CEP164: variants seen among roughly 807,000 people sequenced by gnomAD.
CEP164 encodes the protein centrosomal protein 164.
Under a neutral mutation model 182.7 loss-of-function variants are expected in CEP164, and 162 were observed. The observed-to-expected ratio is 0.89, with a 90% confidence interval of 0.78 to 1.01. The LOEUF is 1.01. Ranked by LOEUF, CEP164 falls within the 50% of genes least tolerant of loss-of-function variation. The pLI, the probability that CEP164 is intolerant of heterozygous loss-of-function variation, is 0.00. For synonymous variants in CEP164, 661 were observed against 690.0 expected (o/e 0.96, Z 0.66); for missense variants, 1,735 against 1,790.4 (o/e 0.97, Z 0.56).
chr11:117,411,792 C>T lies in CEP164; in HGVS notation c.4164-3C>T. 4.3e-6 allele frequency: 7 copies of T among 1,614,114 alleles called. No individual in the cohort carries two copies. Among genetic ancestry groups the T allele is most frequent in the East Asian group, 4.5e-5 (2 of 44,888 alleles). ...CTCGCCATGCTCTCCTCTTCCTTCC[C>T]AGTGAGCAGCTCCGGCTCCTACAGC... On this transcript the variant is annotated splice_region_variant and splice_polypyrimidine_tract_variant and intron_variant, in intron 31 of 32. Transcript: ENST00000278935. The surrounding 1 kb of genome is among the most constrained non-coding windows in gnomAD (Gnocchi z 4.4).
chr11:117,356,484 C>A, intron 5 of CEP164: 1 of 1,286,732 alleles, frequency 7.8e-7, no homozygotes, highest in South Asian at 1.2e-5. Flanking sequence ...GTGGCCCTCG[C>A]CCCTGCTTGG....
chr11:117,410,014 TCTTC>T (rs1319045975), intron 30 of CEP164, 49 bp downstream of exon 30: 15 of 1,522,730 alleles, frequency 9.9e-6, no homozygotes, highest in East Asian at 4.5e-5. Flanking sequence ...CTCCTCCTCC[TCTTC>T]CTTCCTTTTC....
At chr11:117,352,264 A>C (rs1230890444) in intron 5 of CEP164, among the ~76,000 whole-genome samples, 1 of 152,036 alleles carries the variant, frequency 6.6e-6, no homozygotes, top group Non-Finnish European at 1.5e-5. Flanking sequence ...TGCTCTTCTG[A>C]GAATGGTTTT....
In CEP164 at chr11:117,394,967, A is replaced by G; in HGVS notation, c.2808A>G (p.Lys936=). 1 of 1,614,184 alleles carries G rather than the reference A, an allele frequency of 6.2e-7. No individual in the cohort carries two copies. The highest frequency in any genetic ancestry group is 1.1e-5 in the South Asian group (1 of 91,080). Residue 936 remains lysine (K), a synonymous_variant, in exon 22 of 33, where the codon AAA becomes AAG. Transcript: ENST00000278935. This position sits in a 1 kb window ranked among gnomAD's most constrained non-coding sequence, Gnocchi z 4.0. ...DLELDLETRA[K]DVKARLALLE... ...AGTTGGACCTTGAAACCAGAGCTAA[A>G]GATGTCAAGGCCAGATTGGCTCTGC... is the stretch of plus-strand genomic sequence containing the variant.
chr11:117,400,335 A>C (rs537116715), intron 27 of CEP164, among the ~76,000 whole-genome samples: 2 of 151,914 alleles, frequency 1.3e-5, no homozygotes, highest in Non-Finnish European at 2.9e-5. Context: ...GTTCTGTTCT[A>C]TTGGCTTATA....
intron 5 of CEP164, chr11:117,355,033 G>A (rs2040153383): frequency 7.8e-7 from 1 of 1,289,770 alleles, no homozygotes. Context: ...TAGATCAAGA[G>A]ATGCAGGCTA....
intron 27 of CEP164, among the ~76,000 whole-genome samples, chr11:117,405,593 A>G (rs1258389812): frequency 6.6e-6 from 1 of 152,140 alleles, no homozygotes; most frequent in Non-Finnish European, 1.5e-5. Flanking sequence ...AGCTGTTCCT[A>G]TTCAGCCATC....
chr11:117,356,602 G>A, intron 5 of CEP164: 1 of 1,286,462 alleles, frequency 7.8e-7, no homozygotes, highest in Non-Finnish European at 1.0e-6. Context: ...CAGGCAAGAT[G>A]CAGCATCTCA....
At chr11:117,347,665 G>A (rs897348939) in intron 4 of CEP164, among the ~76,000 whole-genome samples, 7 of 150,946 alleles carry the variant, frequency 4.6e-5, no homozygotes, top group African/African-American at 1.2e-4. Context: ...AGCCGAGATC[G>A]TGCCATTGCA....
At chr11:117,386,223 C>T (rs2043938287) in intron 14 of CEP164, 2 of 152,228 alleles carry the variant, frequency 1.3e-5, no homozygotes, top group Admixed American at 1.3e-4. Context: ...ATTGAGGGAC[C>T]TGGACGTGGA....
intron 1 of CEP164, among the ~76,000 whole-genome samples, chr11:117,331,917 A>G (rs2036268932): frequency 1.3e-5 from 2 of 151,048 alleles, no homozygotes; most frequent in Non-Finnish European, 2.9e-5. Context: ...CCATCTGATC[A>G]CATAGCTCCT....
chr11:117,410,022 C>T (rs1474681988), intron 30 of CEP164, 57 bp downstream of exon 30: 2 of 1,483,318 alleles, frequency 1.3e-6, no homozygotes, highest in African/African-American at 1.4e-5. Context: ...CCTCTTCCTT[C>T]CTTTTCTTCT....
At chr11:117,381,656 C>T in intron 12 of CEP164, 45 bp from the exon 13 acceptor site, 1 of 1,576,552 alleles carries the variant, frequency 6.3e-7, no homozygotes. Context: ...TTCCCGCTCT[C>T]CAAATGGAGG....
rs932743387 is a variant in CEP164, at chr11:117,336,529, G to T, written c.-22+849G>T. On this transcript the variant is annotated intron_variant, in intron 2 of 32. Transcript: ENST00000278935. Reference sequence around the variant, plus strand: ...AGGAGGACAGGGGCCTGGGGGAAAGGGTGGATTGATAGGTGGTGGGTGGGC... The same window carrying T: ...AGGAGGACAGGGGCCTGGGGGAAAGTGTGGATTGATAGGTGGTGGGTGGGC... 5 of 1,530,826 alleles carry T rather than the reference G, an allele frequency of 3.3e-6. No homozygotes were observed. The African/African-American group carries it at 6.8e-5, about 21-fold the overall frequency. 94.8% of individuals were successfully genotyped at this position (1,530,826 alleles called of 1,614,324 possible).
chr11:117,329,404 G>A (rs1488908836), intron 1 of CEP164, among the ~76,000 whole-genome samples: 1 of 152,108 alleles, frequency 6.6e-6, no homozygotes, highest in African/African-American at 2.4e-5. Context: ...CTAGAGCTCT[G>A]TCTTGCCACT....
rs2047013165 is a variant in CEP164 at position 117,408,985 on chromosome 11, A to G, written c.3705A>G (p.Glu1235=). The G allele has an allele frequency of 2.5e-6, 4 of 1,614,028 alleles. No individual in the cohort carries two copies. The highest frequency in any genetic ancestry group is 3.4e-6 in the Non-Finnish European group (4 of 1,179,954). Residue 1235 remains glutamate (E), a synonymous_variant, in exon 29 of 33, where the codon GAA becomes GAG. Coordinates refer to ENST00000278935, the MANE Select transcript of CEP164 (RefSeq NM_014956.5). ...DMDSLSSESS[E]SFSPPHREWW... Reference sequence around the variant, plus strand: ...ACAGCCTGAGCAGTGAAAGTTCTGAATCTTTTTCCCCGCCTCACCGTGAGT... The same window carrying G: ...ACAGCCTGAGCAGTGAAAGTTCTGAGTCTTTTTCCCCGCCTCACCGTGAGT...
chr11:117,380,760 T>C, intron 12 of CEP164, 55 bp downstream of exon 12: 1 of 1,509,728 alleles, frequency 6.6e-7, no homozygotes. Flanking sequence ...GGTGTGGACT[T>C]GGGCAGAATT....
intron 5 of CEP164, chr11:117,359,480 CT>C: frequency 1.0e-6 from 1 of 985,404 alleles, no homozygotes; most frequent in Non-Finnish European, 1.2e-6. Context: ...TCTCACCTTA[CT>C]TTCCTGATGA....
At chr11:117,408,687 C>G (rs559506009) in intron 28 of CEP164, 64 of 654,350 alleles carry the variant, frequency 9.8e-5, no homozygotes, top group Non-Finnish European at 1.5e-4. Context: ...AGCCTACATA[C>G]CACCTTGAAT....
Sources: gnomAD v4.1 joint callset for allele counts (sites outside exome capture counted in the v4.1 genomes callset) on GRCh38, gnomAD v4.1.1 for gene constraint, Gnocchi (gnomAD v3.1) non-coding constraint, MANE v1.5 for transcripts, NCBI Gene and HGNC (gene_info 2026-07-23, HGNC 2026-07-21) for gene names.